The following ELOVL6 variants were observed in gnomAD, a reference collection of about 807,000 sequenced individuals.
ELOVL6 encodes very long chain fatty acid elongase 6.
Under a neutral mutation model 31.7 loss-of-function variants are expected in ELOVL6, and 8 were observed. The observed-to-expected ratio is 0.25, with a 90% CI of 0.15 to 0.45. ELOVL6 has a LOEUF of 0.45. Ranked by LOEUF, ELOVL6 falls within the 20% of genes least tolerant of loss-of-function variation. ELOVL6 has a pLI of 1.00. For synonymous variants in ELOVL6, 101 were observed against 117.7 expected, an observed-to-expected ratio of 0.86 and a Z score of 0.92; for missense variants, 126 against 326.4, an observed-to-expected ratio of 0.39 and a Z score of 4.73.
chr4:110,063,454 A>T (rs1432907301), intron 2 of ELOVL6, among the ~76,000 whole-genome samples: 2 of 151,656 alleles, frequency 1.3e-5, no homozygotes, highest in African/African-American at 4.9e-5. Context: ...TCAGTCCCCC[A>T]GTTCCTGATC....
At chr4:110,078,738 C>A (rs1755734566) in intron 2 of ELOVL6, among the ~76,000 whole-genome samples, 3 of 152,054 alleles carry the variant, frequency 2.0e-5, no homozygotes, top group African/African-American at 7.2e-5. Flanking sequence ...CACACATAAC[C>A]ATATTAACCT....
intron 1 of ELOVL6, among the ~76,000 whole-genome samples, chr4:110,132,859 T>G (rs1255998506): frequency 6.6e-6 from 1 of 151,192 alleles, no homozygotes; most frequent in Non-Finnish European, 1.5e-5. Context: ...AGAAGTGGCA[T>G]TTTAGTGTTT....
intron 1 of ELOVL6, among the ~76,000 whole-genome samples, chr4:110,185,520 T>G (rs1016544781): frequency 4.6e-5 from 7 of 152,230 alleles, no homozygotes; most frequent in African/African-American, 1.2e-4. Context: ...TAGGTAATAC[T>G]TAATTGTTCA....
rs187339128 is a variant in ELOVL6, at chr4:110,195,609, G to A, written c.89+2638C>T. On this transcript the variant is annotated intron_variant, in intron 1 of 3. Transcript: ENST00000302274. ...CAAGGGAGGGGTAACAGCCAGCAGG[G>A]TTCTTTGACTGCAATAAGCAATCTA... 3.2e-3 allele frequency among the ~76,000 whole-genome samples: 486 copies of A among 152,174 alleles called. 3 individuals carry two copies. The highest frequency in any genetic ancestry group is 6.5e-3 in the Admixed American group (99 of 15,284).
At chr4:110,155,741 T>C (rs1758396870) in intron 1 of ELOVL6, among the ~76,000 whole-genome samples, 1 of 152,102 alleles carries the variant, frequency 6.6e-6, no homozygotes. Context: ...TGGGGGCAGA[T>C]CAACAACCTC....
chr4:110,115,300 A>G (rs1459948951), intron 1 of ELOVL6, among the ~76,000 whole-genome samples: 1 of 152,222 alleles, frequency 6.6e-6, no homozygotes, highest in Non-Finnish European at 1.5e-5. Flanking sequence ...TCAAATGTAC[A>G]TAAGAAATTA....
At chr4:110,081,006 G>A (rs1428023432) in intron 2 of ELOVL6, among the ~76,000 whole-genome samples, 10 of 151,578 alleles carry the variant, frequency 6.6e-5, no homozygotes, top group Middle Eastern at 3.4e-3. Flanking sequence ...CTTCAAAGAG[G>A]ATAAAATACC....
chr4:110,175,656 T>C (rs1428012527), intron 1 of ELOVL6, among the ~76,000 whole-genome samples: 3 of 152,330 alleles, frequency 2.0e-5, no homozygotes, highest in Admixed American at 6.5e-5. Flanking sequence ...ACTTTTACCC[T>C]CTCCAAGGTT....
intron 1 of ELOVL6, among the ~76,000 whole-genome samples, chr4:110,127,384 G>A (rs1225560680): frequency 8.2e-6 from 1 of 122,336 alleles, no homozygotes; most frequent in Non-Finnish European, 1.6e-5. Context: ...TCCAGCCTGG[G>A]TGACAGAGCG....
Position 110,198,284 on chromosome 4 carries a change from T to C in ELOVL6, c.52A>G (p.Asn18Asp). ...LQEYEFEKQF[N>D]ENEAIQWMQE... Reference sequence around the variant, plus strand: ...ATCCATTGGATGGCTTCATTCTCGTTGAACTGCTTTTCGAATTCATATTCT... The same window carrying C: ...ATCCATTGGATGGCTTCATTCTCGTCGAACTGCTTTTCGAATTCATATTCT... The change falls in exon 1 of 4, where the codon AAC (asparagine) becomes GAC (aspartate). Residue 18 changes from asparagine (N) to aspartate (D), a missense_variant. Physicochemically the swap from Asn to Asp is conservative, Grantham distance 23 (BLOSUM62 1). Around this residue, in one of 3 missense-constraint regions of ELOVL6, gnomAD observed 16 missense variants for 22.8 expected, o/e 0.70. Coordinates refer to ENST00000302274, the MANE Select transcript of ELOVL6 (RefSeq NM_024090.3). 1 of 1,612,582 alleles carries C rather than the reference T, an allele frequency of 6.2e-7. No homozygotes were observed. Among genetic ancestry groups the C allele is most frequent in the Non-Finnish European group, 8.5e-7 (1 of 1,178,524 alleles).
intron 1 of ELOVL6, among the ~76,000 whole-genome samples, chr4:110,124,858 T>C (rs1340305637): frequency 6.6e-6 from 1 of 152,218 alleles, no homozygotes; most frequent in African/African-American, 2.4e-5. Flanking sequence ...ACATTAATTC[T>C]GCTTCACTGG....
At chr4:110,106,464 T>A (rs1756893084) in intron 1 of ELOVL6, among the ~76,000 whole-genome samples, 1 of 152,164 alleles carries the variant, frequency 6.6e-6, no homozygotes. Flanking sequence ...GGGCGGGGAT[T>A]TCCCCAGGAA....
chr4:110,190,780 C>T (rs979848948), intron 1 of ELOVL6, among the ~76,000 whole-genome samples: 1 of 151,440 alleles, frequency 6.6e-6, no homozygotes, highest in Non-Finnish European at 1.5e-5. Flanking sequence ...GCTGGGATTA[C>T]AAGTATAAGC....
chr4:110,063,684 A>G (rs1187803437), intron 2 of ELOVL6, among the ~76,000 whole-genome samples: 1 of 151,974 alleles, frequency 6.6e-6, no homozygotes, highest in African/African-American at 2.4e-5. Flanking sequence ...GGTCTGGACC[A>G]CTGTGTTGAA....
chr4:110,054,024 T>C (rs1197305918), intron 3 of ELOVL6, among the ~76,000 whole-genome samples: 1 of 151,924 alleles, frequency 6.6e-6, no homozygotes, highest in Non-Finnish European at 1.5e-5. Flanking sequence ...CACTTGAACC[T>C]GGGGAGGCGG....
chr4:110,141,352 C>T (rs868841194), intron 1 of ELOVL6, among the ~76,000 whole-genome samples: 31 of 152,244 alleles, frequency 2.0e-4, no homozygotes, highest in African/African-American at 6.3e-4. Flanking sequence ...CATAAGCCAC[C>T]GTGCCCGGCT....
intron 2 of ELOVL6, among the ~76,000 whole-genome samples, chr4:110,060,886 T>G (rs1350829211): frequency 6.6e-6 from 1 of 152,210 alleles, no homozygotes; most frequent in East Asian, 1.9e-4. Context: ...ACTTAAAATA[T>G]CTTAGAGTTG....
intron 2 of ELOVL6, among the ~76,000 whole-genome samples, chr4:110,105,287 T>C (rs1001174734): frequency 5.9e-5 from 9 of 152,184 alleles, no homozygotes; most frequent in Admixed American, 1.3e-4. Flanking sequence ...GGACAAGAGA[T>C]GGCCTGACAC....
At chr4:110,173,095 TATTTC>T (rs1171870057) in intron 1 of ELOVL6, among the ~76,000 whole-genome samples, 1 of 152,236 alleles carries the variant, frequency 6.6e-6, no homozygotes, top group Non-Finnish European at 1.5e-5. Flanking sequence ...AATAGTGTAC[TATTTC>T]ATCCACTGAC....
Sources: allele counts gnomAD v4.1 joint callset (sites outside exome capture counted in the v4.1 genomes callset), GRCh38; gene constraint gnomAD v4.1.1; regional missense constraint gnomAD v4.1.1; transcripts MANE v1.5; gene names NCBI Gene and HGNC (gene_info 2026-07-23, HGNC 2026-07-21).